The following STAG3 variants were observed in gnomAD, a reference collection of about 807,000 sequenced individuals.
STAG3 encodes cohesin subunit SA-3.
STAG3 carries 101 observed loss-of-function variants against 160.7 expected under a neutral mutation model. The observed-to-expected ratio is 0.63, with a 90% CI of 0.54 to 0.74. The LOEUF (loss-of-function observed/expected upper bound fraction) is 0.74, where lower values mean the gene tolerates loss of function less well. Ranked by LOEUF, STAG3 falls within the 30% of genes least tolerant of loss-of-function variation. The pLI is 0.00. For missense variants in STAG3, 1,188 were observed against 1,517.4 expected, an observed-to-expected ratio of 0.78 and a Z score of 3.61; for synonymous variants, 519 against 585.0, an observed-to-expected ratio of 0.89 and a Z score of 1.63.
rs546566197 is a variant in STAG3 at position 100,204,274 on chromosome 7, C to T, written c.2802+152C>T. On this transcript the variant is annotated intron_variant, in intron 26 of 33. Coordinates refer to ENST00000615138, the MANE Select transcript of STAG3 (RefSeq NM_001282717.2). ...GATAGGTTCCTTCATTCTTAGTAGACCCTTGGGAAGTATTTTTTTTTTAAC... is the reference window on the plus strand; with the variant it reads ...GATAGGTTCCTTCATTCTTAGTAGATCCTTGGGAAGTATTTTTTTTTTAAC... The T allele has an allele frequency of 2.2e-5, 14 of 638,920 alleles. No homozygotes were observed. In the African/African-American group the frequency reaches 2.4e-4, roughly 11 times the overall value. 39.6% of individuals were successfully genotyped at this position (638,920 alleles called of 1,614,324 possible). A position where few individuals can be genotyped will look rare whatever the true frequency, so the allele number is the denominator to read the frequency against.
At chr7:100,211,565 C>T (rs1466376281) in intron 31 of STAG3, 26 bp downstream of exon 31, 3 of 1,609,066 alleles carry the variant, frequency 1.9e-6, no homozygotes, top group Non-Finnish European at 2.6e-6. Context: ...CATCTCCTGT[C>T]TTCACTTCAG....
chr7:100,192,089 A>G (rs1220530331), intron 8 of STAG3, among the ~76,000 whole-genome samples: 1 of 152,168 alleles, frequency 6.6e-6, no homozygotes, highest in African/African-American at 2.4e-5. Context: ...TGCTATTTCC[A>G]CTGCACGTGT....
intron 32 of STAG3, 69 bp downstream of exon 32, chr7:100,211,945 T>C: frequency 6.8e-7 from 1 of 1,464,898 alleles, no homozygotes; most frequent in Non-Finnish European, 9.4e-7. Context: ...AGCCAGGGTG[T>C]TTCCCCTCTC....
intron 1 of STAG3, 65 bp from the exon 2 acceptor site, chr7:100,180,428 G>C (rs1043753207): frequency 3.0e-6 from 2 of 670,098 alleles, no homozygotes; most frequent in Non-Finnish European, 5.4e-6. Context: ...GAAAGAAAGG[G>C]ACTGGTCAGG....
At chr7:100,181,985 C>T in intron 2 of STAG3, 105 bp from the exon 3 acceptor site, 1 of 647,584 alleles carries the variant, frequency 1.5e-6, no homozygotes, top group South Asian at 2.2e-5. Flanking sequence ...ATGTTTTTCT[C>T]ATGGAGATGG....
intron 8 of STAG3, among the ~76,000 whole-genome samples, chr7:100,192,501 G>A (rs1800402172): frequency 6.6e-6 from 1 of 152,210 alleles, no homozygotes; most frequent in East Asian, 1.9e-4. Context: ...TCTAGCCTGT[G>A]CTATGGAGCA....
chr7:100,211,347 G>T, intron 30 of STAG3, 88 bp from the exon 31 acceptor site: 1 of 1,517,394 alleles, frequency 6.6e-7, no homozygotes, highest in South Asian at 1.2e-5. Flanking sequence ...GCATCTCTCT[G>T]AGCTTTTCTC....
At chr7:100,209,526 T>A (rs560908436) in intron 29 of STAG3, among the ~76,000 whole-genome samples, 6 of 152,054 alleles carry the variant, frequency 3.9e-5, no homozygotes, top group African/African-American at 1.2e-4. Flanking sequence ...AGGAAAACCA[T>A]TGGAGGATTT....
intron 2 of STAG3, chr7:100,181,554 G>C (rs1374883478): frequency 6.6e-6 from 1 of 152,320 alleles, no homozygotes. Context: ...AGTATCATTT[G>C]ATTCTCTTCT....
At chr7:100,189,970 C>T (rs1453377893) in intron 8 of STAG3, among the ~76,000 whole-genome samples, 2 of 152,068 alleles carry the variant, frequency 1.3e-5, no homozygotes, top group Non-Finnish European at 2.9e-5. Context: ...CAACCATTGA[C>T]AAGGGAGGCC....
At chr7:100,203,505 T>A (rs1801339199) in intron 25 of STAG3, among the ~76,000 whole-genome samples, 1 of 150,844 alleles carries the variant, frequency 6.6e-6, no homozygotes, top group East Asian at 2.0e-4. Context: ...TTTTTTATTT[T>A]ATTTATTTAT....
chr7:100,213,915 C>T lies in STAG3; in HGVS notation c.3673-92C>T. On this transcript the variant is annotated intron_variant, in intron 33 of 33. Coordinates refer to ENST00000615138, the MANE Select transcript of STAG3 (RefSeq NM_001282717.2). Reference sequence around the variant, plus strand: ...GCCTGGGGGTGGCCCTCTGGGCTGTCTCTGGGGCTTTGAGGGTAACCCAGG... The same window carrying T: ...GCCTGGGGGTGGCCCTCTGGGCTGTTTCTGGGGCTTTGAGGGTAACCCAGG... The T allele has an allele frequency of 3.1e-6, 5 of 1,613,008 alleles. No individual in the cohort carries two copies. The Admixed American group carries it at 8.3e-5, about 27-fold the overall frequency.
intron 29 of STAG3, among the ~76,000 whole-genome samples, chr7:100,209,886 G>A (rs1802019905): frequency 6.6e-6 from 1 of 152,222 alleles, no homozygotes; most frequent in African/African-American, 2.4e-5. Flanking sequence ...AAGGCAGAGA[G>A]TGAAGATAGC....
chr7:100,197,914 G>A (rs753933583), intron 11 of STAG3, 38 bp downstream of exon 11: 27 of 1,586,764 alleles, frequency 1.7e-5, no homozygotes, highest in South Asian at 4.4e-5. Flanking sequence ...GCTCTTTGTC[G>A]TGGTTCCTAT....
chr7:100,200,060 C>CAA, intron 16 of STAG3, 176 bp from the exon 17 acceptor site: 1 of 525,032 alleles, frequency 1.9e-6, no homozygotes, highest in South Asian at 2.5e-5. Context: ...AGCGAGACTC[C>CAA]GTCTCAAAAA....
In STAG3 at chr7:100,187,823, C is replaced by T. The variant is rs193195000; in HGVS notation, c.434-630C>T. ...CCAGGCTGGAGTGCAGTAGTGCGAT[C>T]TCAGCTTACTGCAACCTCCGCCTCC... On this transcript the variant is annotated intron_variant, in intron 5 of 33. Coordinates refer to ENST00000615138, the MANE Select transcript of STAG3 (RefSeq NM_001282717.2). Among the ~76,000 whole-genome samples, 780 of 148,424 alleles carry T rather than the reference C, an allele frequency of 5.3e-3. 2 individuals are homozygous for T. Among genetic ancestry groups the T allele is most frequent in the Middle Eastern group, 0.017 (5 of 292 alleles).
At chr7:100,208,408 C>T (rs1001565211) in intron 29 of STAG3, among the ~76,000 whole-genome samples, 10 of 152,128 alleles carry the variant, frequency 6.6e-5, no homozygotes, top group African/African-American at 1.9e-4. Context: ...ATGGAAAACT[C>T]GAATTATGAA....
At chr7:100,201,457 C>T in intron 21 of STAG3, 106 bp downstream of exon 21, 1 of 985,086 alleles carries the variant, frequency 1.0e-6, no homozygotes, top group Non-Finnish European at 1.6e-6. Context: ...GTGGAGTGGA[C>T]AAAGCGAGGA....
At chr7:100,189,408 A>T (rs763810322) in intron 7 of STAG3, 37 bp from the exon 8 acceptor site, 1 of 1,596,072 alleles carries the variant, frequency 6.3e-7, no homozygotes, top group Non-Finnish European at 8.5e-7. Context: ...CTCTGACCTC[A>T]GTAATGATTT....
Sources: allele counts gnomAD v4.1 joint callset (sites outside exome capture counted in the v4.1 genomes callset), GRCh38; gene constraint gnomAD v4.1.1; transcripts MANE v1.5; gene names NCBI Gene and HGNC (gene_info 2026-07-23, HGNC 2026-07-21).